TBC1D15: variants seen among roughly 807,000 people sequenced by gnomAD.
TBC1D15 encodes TBC1 domain family member 15.
Under a neutral mutation model 95.4 loss-of-function variants are expected in TBC1D15, and 39 were observed. The ratio of observed to expected loss-of-function variants is 0.41; its 90% CI spans 0.32 to 0.53. The LOEUF is 0.53. TBC1D15 is among the 20% of genes least tolerant of loss of function. The pLI, the probability that TBC1D15 is intolerant of heterozygous loss-of-function variation, is 0.29. For missense variants in TBC1D15, 733 were observed against 794.3 expected (o/e 0.92, Z 0.93); for synonymous variants, 258 against 261.3 (o/e 0.99, Z 0.12).
At chr12:71,844,122 A>G (rs957979363) in intron 1 of TBC1D15, among the ~76,000 whole-genome samples, 15 of 152,206 alleles carry the variant, frequency 9.9e-5, no homozygotes, top group Admixed American at 2.6e-4. Flanking sequence ...TTTCTAAGCC[A>G]TCTGCCTTTC....
intron 10 of TBC1D15, among the ~76,000 whole-genome samples, chr12:71,902,302 G>A (rs1447682139): frequency 1.3e-5 from 2 of 152,134 alleles, no homozygotes; most frequent in Non-Finnish European, 2.9e-5. Flanking sequence ...AAAGTTGGAG[G>A]CGTCATACTA....
chr12:71,911,324 G>A lies in TBC1D15; in HGVS notation c.1301-2502G>A, dbSNP rs991772390. Among the ~76,000 whole-genome samples, 168 of 152,068 alleles carry A rather than the reference G, an allele frequency of 1.1e-3. 1 individual carries two copies. The highest frequency in any genetic ancestry group is 1.9e-3 in the South Asian group (9 of 4,816). On this transcript the variant is annotated intron_variant, in intron 11 of 16. Transcript: ENST00000485960. The stretch of plus-strand genomic sequence containing the variant: ...TGCTGCCATAAAGACACATGCACAC[G>A]TATGTTTATTGTGGCACTATTCACA...
At chr12:71,903,589 T>C (rs1468715686) in intron 10 of TBC1D15, among the ~76,000 whole-genome samples, 1 of 152,180 alleles carries the variant, frequency 6.6e-6, no homozygotes, top group Admixed American at 6.5e-5. Context: ...GCAGCACTAT[T>C]TGACAACAGA....
In TBC1D15 at chr12:71,839,773, G is replaced by C; in HGVS notation, c.-9G>C. The C allele has an allele frequency of 6.2e-7, 1 of 1,614,168 alleles. No homozygotes were observed. Among genetic ancestry groups the C allele is most frequent in the Non-Finnish European group, 8.5e-7 (1 of 1,180,018 alleles). On this transcript the variant is annotated 5_prime_UTR_variant, in exon 1 of 17. Coordinates refer to ENST00000485960, the MANE Select transcript of TBC1D15 (RefSeq NM_001146213.3). ...TCTGCTACGTCATTACCAGGCACGC[G>C]CAGGAAACATGGCGGCGGCGGGTGT...
At chr12:71,921,494 T>C in intron 16 of TBC1D15, 40 bp downstream of exon 16, 1 of 1,273,076 alleles carries the variant, frequency 7.9e-7, no homozygotes, top group South Asian at 1.9e-5. Context: ...TTGTTTGTTT[T>C]TGGTGGGTTG....
intron 4 of TBC1D15, among the ~76,000 whole-genome samples, chr12:71,881,325 TA>T (rs1166751407): frequency 6.6e-6 from 1 of 152,156 alleles, no homozygotes; most frequent in Admixed American, 6.5e-5. Context: ...CAGAATTTCA[TA>T]AAAGAAAGAA....
chr12:71,845,476 A>G (rs1278959881), intron 1 of TBC1D15, among the ~76,000 whole-genome samples: 2 of 152,212 alleles, frequency 1.3e-5, no homozygotes, highest in Non-Finnish European at 2.9e-5. Context: ...TGGATGAGAT[A>G]TCTTTGACAG....
Position 71,884,991 on chromosome 12 carries a change from A to G in TBC1D15, c.524A>G (p.Glu175Gly), listed in dbSNP as rs1402230126. ...CAAGGAGATAGCAAACTACTGATTG[A>G]ATCTCTTGAAAAATATGTGGTATTG... ...FHQGDSKLLI[E>G]SLEKYVVLCE... Residue 175 changes from glutamate (E) to glycine (G), a missense_variant, in exon 5 of 17, where the codon GAA becomes GGA. Transcript: ENST00000485960. 6.2e-7 allele frequency: 1 copy of G among 1,613,828 alleles called. No homozygotes were observed. Among genetic ancestry groups the G allele is most frequent in the Admixed American group, 1.7e-5 (1 of 60,014 alleles).
At chr12:71,920,953 AAAT>A in intron 15 of TBC1D15, 106 bp downstream of exon 15, 1 of 781,672 alleles carries the variant, frequency 1.3e-6, no homozygotes, top group Non-Finnish European at 2.1e-6. Context: ...TGAGTAACTT[AAAT>A]TGTGTCAATA....
intron 5 of TBC1D15, among the ~76,000 whole-genome samples, chr12:71,892,426 A>G (rs1160737749): frequency 6.6e-6 from 1 of 152,058 alleles, no homozygotes; most frequent in Non-Finnish European, 1.5e-5. Flanking sequence ...TTTATTTTAA[A>G]CATAGAAAAT....
chr12:71,913,916 T>C lies in TBC1D15; in HGVS notation c.1391T>C (p.Met464Thr). The change falls in exon 12 of 17, where the codon ATG becomes ACG. Residue 464 changes from methionine to threonine, a missense_variant. Met to Thr is a moderately conservative substitution (Grantham distance 81, BLOSUM62 -1). Coordinates refer to ENST00000485960, the MANE Select transcript of TBC1D15 (RefSeq NM_001146213.3). Reference sequence around the variant, plus strand: ...GCCTTTTGGTGCTTTGCCTCTTACATGGACCAAATGGTAAGAACAGAGATT... The same window carrying C: ...GCCTTTTGGTGCTTTGCCTCTTACACGGACCAAATGGTAAGAACAGAGATT... ...VDAFWCFASYMDQMHQNFEEQ... is the reference protein window; with the variant it reads ...VDAFWCFASYTDQMHQNFEEQ... 1 of 1,587,380 alleles carries C rather than the reference T, an allele frequency of 6.3e-7. No homozygotes were observed. The highest frequency in any genetic ancestry group is 8.5e-7 in the Non-Finnish European group (1 of 1,169,784).
chr12:71,863,810 C>T (rs777634247), intron 1 of TBC1D15, among the ~76,000 whole-genome samples: 13 of 152,052 alleles, frequency 8.5e-5, no homozygotes, highest in Admixed American at 4.6e-4. Context: ...TGTTGAAGCT[C>T]TCTTTTATTT....
At chr12:71,915,851 A>G (rs1309410572) in intron 12 of TBC1D15, among the ~76,000 whole-genome samples, 2 of 152,170 alleles carry the variant, frequency 1.3e-5, no homozygotes. Context: ...TATGGCAATC[A>G]AAATAACCTG....
At chr12:71,882,675 A>C (rs1895443259) in intron 4 of TBC1D15, among the ~76,000 whole-genome samples, 1 of 152,044 alleles carries the variant, frequency 6.6e-6, no homozygotes, top group Non-Finnish European at 1.5e-5. Context: ...GTTTAGTTTT[A>C]TGTTGACTTG....
chr12:71,875,286 C>A (rs1251788545), intron 3 of TBC1D15, among the ~76,000 whole-genome samples: 1 of 152,156 alleles, frequency 6.6e-6, no homozygotes, highest in East Asian at 1.9e-4. Flanking sequence ...AATTTCTCAT[C>A]AGATGTGTAA....
At chr12:71,865,648 A>G (rs916344032) in intron 1 of TBC1D15, among the ~76,000 whole-genome samples, 8 of 152,120 alleles carry the variant, frequency 5.3e-5, no homozygotes, top group African/African-American at 1.9e-4. Context: ...GTATCTCAGC[A>G]GCTTAGACTC....
chr12:71,840,463 A>T (rs927441033), intron 1 of TBC1D15, among the ~76,000 whole-genome samples: 1 of 152,226 alleles, frequency 6.6e-6, no homozygotes, highest in Admixed American at 6.5e-5. Context: ...AGTATTGGTC[A>T]TGCTGGTTTA....
At chr12:71,883,303 A>G (rs1363425276) in intron 4 of TBC1D15, among the ~76,000 whole-genome samples, 1 of 152,106 alleles carries the variant, frequency 6.6e-6, no homozygotes, top group African/African-American at 2.4e-5. Flanking sequence ...TGGTCTTATG[A>G]GCTCTAAAAT....
intron 6 of TBC1D15, among the ~76,000 whole-genome samples, chr12:71,893,562 T>C (rs1056551047): frequency 6.6e-6 from 1 of 151,852 alleles, no homozygotes; most frequent in African/African-American, 2.4e-5. Context: ...CATAAGGAAA[T>C]TTCTCAGTTT....
Sources: gnomAD v4.1 joint callset for allele counts (sites outside exome capture counted in the v4.1 genomes callset) on GRCh38, gnomAD v4.1.1 for gene constraint, MANE v1.5 for transcripts, NCBI Gene and HGNC (gene_info 2026-07-23, HGNC 2026-07-21) for gene names.